The following RBFOX1 variants were observed in gnomAD, a reference collection of about 807,000 sequenced individuals.
RBFOX1 encodes the protein RNA binding protein fox-1 homolog 1.
Under a neutral mutation model 57.7 loss-of-function variants are expected in RBFOX1, and 8 were observed. That is an observed-to-expected ratio of 0.14 (90% CI 0.08 to 0.25). The LOEUF (loss-of-function observed/expected upper bound fraction) is 0.25. Ranked by LOEUF, RBFOX1 falls within the 10% of genes least tolerant of loss-of-function variation. The pLI, the probability that RBFOX1 is intolerant of heterozygous loss-of-function variation, is 1.00. For missense variants in RBFOX1, 611 were observed against 548.5 expected (o/e 1.11, Z -1.14); for synonymous variants, 326 against 222.4 (o/e 1.47, Z -4.15).
chr16:5,388,208 C>G (rs138442167), intron 1 of RBFOX1, among the ~76,000 whole-genome samples: 2 of 152,250 alleles, frequency 1.3e-5, no homozygotes, highest in African/African-American at 4.8e-5. Flanking sequence ...GAAACCAGCA[C>G]ATTGGTAGAG....
intron 2 of RBFOX1, among the ~76,000 whole-genome samples, chr16:6,595,654 C>T (rs1366876701): frequency 6.6e-6 from 1 of 152,126 alleles, no homozygotes; most frequent in Non-Finnish European, 1.5e-5. Flanking sequence ...AACGTGGGTA[C>T]CCCATTTTAC....
intron 4 of RBFOX1, among the ~76,000 whole-genome samples, chr16:7,368,982 C>T (rs1035518619): frequency 2.0e-5 from 3 of 151,886 alleles, no homozygotes; most frequent in African/African-American, 7.3e-5. Flanking sequence ...AATGATCCTG[C>T]AGCTGAGCAA....
Position 6,685,273 on chromosome 16 carries a change from C to CTTTTT in RBFOX1, c.-16+30639_-16+30643dup, listed in dbSNP as rs202226687. 5.6e-4 allele frequency among the ~76,000 whole-genome samples: 63 copies of CTTTTT among 111,594 alleles called. 1 individual carries two copies. Among genetic ancestry groups the CTTTTT allele is most frequent in the African/African-American group, 1.8e-3 (51 of 27,646 alleles). 73.2% of individuals were successfully genotyped at this position (111,594 alleles called of 152,430 possible). ...GTGTACTAAGAGAGGGAGAGTTTTTCTTTTTTTTTTTTTTTTTTTTGAGAT... is the reference window on the plus strand; with the variant it reads ...GTGTACTAAGAGAGGGAGAGTTTTTCTTTTTTTTTTTTTTTTTTTTTTTTTGAGAT... On this transcript the variant is annotated intron_variant, in intron 3 of 15. Coordinates refer to ENST00000550418, the MANE Select transcript of RBFOX1 (RefSeq NM_018723.4).
chr16:6,049,982 G>A (rs933156384), intron 1 of RBFOX1, among the ~76,000 whole-genome samples: 51 of 144,016 alleles, frequency 3.5e-4, no homozygotes, highest in African/African-American at 1.1e-3. Context: ...GAGAGTGGAA[G>A]TCTTGCTCTG....
chr16:6,464,597 G>A (rs2094997321), intron 2 of RBFOX1, among the ~76,000 whole-genome samples: 2 of 152,164 alleles, frequency 1.3e-5, no homozygotes, highest in Non-Finnish European at 1.5e-5. Context: ...TAATACCATT[G>A]TTTAAATGAA....
intron 10 of RBFOX1, among the ~76,000 whole-genome samples, chr16:7,623,659 G>A (rs768220531): frequency 6.6e-6 from 1 of 152,210 alleles, no homozygotes; most frequent in Non-Finnish European, 1.5e-5. Flanking sequence ...GTGTGGCCCA[G>A]TAGGGTCCGT....
At chr16:5,574,239 G>T (rs1021573291) in intron 2 of RBFOX1, among the ~76,000 whole-genome samples, 4 of 152,120 alleles carry the variant, frequency 2.6e-5, no homozygotes, top group Admixed American at 6.5e-5. Flanking sequence ...CCGTGATTTC[G>T]TACAGTTTGA....
At chr16:6,835,636 C>A (rs114553142) in intron 3 of RBFOX1, among the ~76,000 whole-genome samples, 1 of 151,306 alleles carries the variant, frequency 6.6e-6, no homozygotes, top group Non-Finnish European at 1.5e-5. Flanking sequence ...GACTGTAGTC[C>A]CAGCTACTGG....
chr16:7,437,643 C>G (rs2098733603), intron 4 of RBFOX1, among the ~76,000 whole-genome samples: 1 of 152,142 alleles, frequency 6.6e-6, no homozygotes. Context: ...TAGAATAAGT[C>G]AAATCAGTTG....
chr16:5,755,693 G>C (rs1159146649), intron 3 of RBFOX1, among the ~76,000 whole-genome samples: 1 of 152,220 alleles, frequency 6.6e-6, no homozygotes, highest in Non-Finnish European at 1.5e-5. Context: ...CCGCCTACCA[G>C]GTTCAAGCGA....
intron 5 of RBFOX1, among the ~76,000 whole-genome samples, chr16:7,550,017 C>A (rs577202317): frequency 6.6e-6 from 1 of 152,188 alleles, no homozygotes; most frequent in Admixed American, 6.5e-5. Context: ...GCAGCCTTGT[C>A]CTCCTGGGCT....
intron 4 of RBFOX1, among the ~76,000 whole-genome samples, chr16:5,887,482 A>T (rs898190407): frequency 3.3e-5 from 5 of 151,830 alleles, no homozygotes; most frequent in African/African-American, 9.7e-5. Context: ...GCTAAGTGCA[A>T]CCTGCACCTG....
At chr16:7,465,485 T>C (rs887924941) in intron 4 of RBFOX1, among the ~76,000 whole-genome samples, 1 of 152,264 alleles carries the variant, frequency 6.6e-6, no homozygotes, top group Admixed American at 6.5e-5. Context: ...ATAAGGAGTC[T>C]TGTGCATGGC....
rs969233667 is a variant in RBFOX1, at chr16:6,909,409, A to G, written c.-15-142648A>G. On this transcript the variant is annotated intron_variant, in intron 3 of 15. Transcript: ENST00000550418. ...CTTCCATTTCAAGATCCTTTATTAC[A>G]TCTGCCAAGGTTCTTTTGCCAGGCA... Among the ~76,000 whole-genome samples, 3 of 152,264 alleles carry G rather than the reference A, an allele frequency of 2.0e-5. No individual in the cohort carries two copies. In the South Asian group the frequency reaches 6.2e-4, roughly 32 times the overall value.
intron 2 of RBFOX1, among the ~76,000 whole-genome samples, chr16:6,443,171 T>C (rs2795570): frequency 5.9e-5 from 9 of 152,144 alleles, no homozygotes; most frequent in African/African-American, 1.7e-4. Flanking sequence ...ATCCCTTCCA[T>C]GTATATGAAG....
At chr16:5,653,974 C>T (rs1294991454) in intron 3 of RBFOX1, among the ~76,000 whole-genome samples, 5 of 152,180 alleles carry the variant, frequency 3.3e-5, no homozygotes, top group Non-Finnish European at 5.9e-5. Context: ...CCCATCTGGT[C>T]GGCCACTCAC....
intron 1 of RBFOX1, among the ~76,000 whole-genome samples, chr16:6,230,386 C>T (rs1264592257): frequency 1.3e-5 from 2 of 152,092 alleles, no homozygotes; most frequent in Admixed American, 6.5e-5. Context: ...AGAATTGGGG[C>T]TTTAACTAAT....
intron 2 of RBFOX1, among the ~76,000 whole-genome samples, chr16:5,542,032 A>C (rs2044976149): frequency 6.6e-6 from 1 of 152,098 alleles, no homozygotes; most frequent in African/African-American, 2.4e-5. Flanking sequence ...TTGCGATCAA[A>C]ATATATACTG....
At chr16:7,366,536 T>G (rs1396934132) in intron 4 of RBFOX1, among the ~76,000 whole-genome samples, 1 of 152,180 alleles carries the variant, frequency 6.6e-6, no homozygotes, top group African/African-American at 2.4e-5. Context: ...CTGTCCTTCC[T>G]CCCTGGTCCA....
Sources: allele counts gnomAD v4.1 joint callset (sites outside exome capture counted in the v4.1 genomes callset), GRCh38; gene constraint gnomAD v4.1.1; transcripts MANE v1.5; gene names NCBI Gene and HGNC (gene_info 2026-07-23, HGNC 2026-07-21).